The following CADM2 variants were observed in gnomAD, a reference collection of about 807,000 sequenced individuals.
CADM2 encodes the protein immunoglobulin superfamily member 4D.
In CADM2, 12 loss-of-function variants were observed where a neutral mutation model predicts 49.8. The observed-to-expected ratio is 0.24, with a 90% confidence interval of 0.15 to 0.39. The LOEUF is 0.39. CADM2 is among the 10% of genes least tolerant of loss of function. The pLI is 1.00. For synonymous variants in CADM2, 214 were observed against 175.4 expected (o/e 1.22, Z -1.74); for missense variants, 378 against 492.3 (o/e 0.77, Z 2.20).
chr3:85,903,357 C>T (rs1266312564), intron 5 of CADM2, among the ~76,000 whole-genome samples: 1 of 151,582 alleles, frequency 6.6e-6, no homozygotes, highest in Non-Finnish European at 1.5e-5. Context: ...CCCAACTTTC[C>T]TTAACATTTC....
chr3:86,064,233 G>A (rs1739046625), intron 8 of CADM2, among the ~76,000 whole-genome samples: 1 of 151,866 alleles, frequency 6.6e-6, no homozygotes, highest in African/African-American at 2.4e-5. Flanking sequence ...AGGCCCCGGT[G>A]TGTGATGTTC....
At chr3:85,371,621 G>GTGTGTA (rs1553714798) in intron 1 of CADM2, among the ~76,000 whole-genome samples, 6 of 130,486 alleles carry the variant, frequency 4.6e-5, no homozygotes, top group African/African-American at 2.1e-4. Context: ...ACACATCACT[G>GTGTGTA]TGTGTGTGTG....
intron 1 of CADM2, among the ~76,000 whole-genome samples, chr3:84,998,432 T>C (rs2033287283): frequency 6.6e-6 from 1 of 152,162 alleles, no homozygotes; most frequent in African/African-American, 2.4e-5. Context: ...GAAGTACCCC[T>C]TTTAATGCCT....
chr3:85,389,506 A>G (rs1267129045), intron 1 of CADM2, among the ~76,000 whole-genome samples: 1 of 152,094 alleles, frequency 6.6e-6, no homozygotes, highest in East Asian at 1.9e-4. Context: ...TCTACATAAT[A>G]CATTTCTCTC....
At chr3:86,042,852 C>T (rs1399311710) in intron 8 of CADM2, among the ~76,000 whole-genome samples, 1 of 152,200 alleles carries the variant, frequency 6.6e-6, no homozygotes, top group African/African-American at 2.4e-5. Flanking sequence ...CAAACCGAAT[C>T]CAGCAGCACA....
chr3:85,268,084 T>A (rs938573364), intron 1 of CADM2, among the ~76,000 whole-genome samples: 12 of 151,648 alleles, frequency 7.9e-5, no homozygotes, highest in Admixed American at 1.3e-4. Flanking sequence ...TTAAAATGTA[T>A]AATAAGGTGA....
chr3:85,242,475 G>A (rs1187634458), intron 1 of CADM2, among the ~76,000 whole-genome samples: 2 of 151,486 alleles, frequency 1.3e-5, no homozygotes, highest in Non-Finnish European at 3.0e-5. Flanking sequence ...CAAGTCTACT[G>A]ACCATATATT....
chr3:85,041,396 G>T (rs373491658), intron 1 of CADM2, among the ~76,000 whole-genome samples: 11 of 152,234 alleles, frequency 7.2e-5, no homozygotes, highest in African/African-American at 2.6e-4. Flanking sequence ...GCGTGGAGAG[G>T]GGGGCAAAGG....
intron 8 of CADM2, among the ~76,000 whole-genome samples, chr3:86,020,005 G>A (rs1436509033): frequency 2.6e-5 from 4 of 152,014 alleles, no homozygotes; most frequent in Admixed American, 2.6e-4. Flanking sequence ...CAGAACTGAA[G>A]GAAATAGAGA....
chr3:85,738,059 G>T (rs562860671), intron 2 of CADM2, among the ~76,000 whole-genome samples: 1 of 152,162 alleles, frequency 6.6e-6, no homozygotes, highest in Admixed American at 6.5e-5. Context: ...TCACCAAATA[G>T]TTCCTGAAGT....
chr3:85,821,300 C>T (rs1413266886), intron 3 of CADM2, among the ~76,000 whole-genome samples: 1 of 152,084 alleles, frequency 6.6e-6, no homozygotes, highest in Admixed American at 6.6e-5. Context: ...AATAATCTTA[C>T]TAGGGGAATG....
chr3:85,089,414 CA>C (rs1298510419), intron 1 of CADM2, among the ~76,000 whole-genome samples: 1 of 152,106 alleles, frequency 6.6e-6, no homozygotes, highest in Non-Finnish European at 1.5e-5. Flanking sequence ...TACAATGCCT[CA>C]TTCCCCACAT....
intron 1 of CADM2, among the ~76,000 whole-genome samples, chr3:84,988,429 C>T (rs771105245): frequency 2.0e-5 from 3 of 152,176 alleles, no homozygotes; most frequent in Non-Finnish European, 4.4e-5. Flanking sequence ...TCATTGAGTT[C>T]CAGGTTTTTT....
intron 1 of CADM2, among the ~76,000 whole-genome samples, chr3:85,010,755 T>C (rs977674058): frequency 4.0e-5 from 6 of 151,720 alleles, no homozygotes; most frequent in African/African-American, 1.2e-4. Flanking sequence ...CTAGCTAATT[T>C]ATATTGCAAT....
At chr3:85,843,740 G>A (rs1384747940) in intron 3 of CADM2, among the ~76,000 whole-genome samples, 1 of 152,100 alleles carries the variant, frequency 6.6e-6, no homozygotes, top group Non-Finnish European at 1.5e-5. Context: ...CAGTGCATTT[G>A]AAGATCACGT....
intron 1 of CADM2, among the ~76,000 whole-genome samples, chr3:85,493,921 A>C (rs974203912): frequency 6.6e-6 from 1 of 152,222 alleles, no homozygotes; most frequent in Non-Finnish European, 1.5e-5. Context: ...CCATTTAAAT[A>C]CTTATGACAT....
At position 85,308,202 on chromosome 3, in the gene CADM2, G is replaced by A. The variant is rs574402087; in HGVS notation, c.61+348534G>A. On this transcript the variant is annotated intron_variant, in intron 1 of 9. Transcript: ENST00000383699. ...AAATTTTCATTTGTTTGATTTTACTGAGTAGGGTGTGGGTTTTGGAACAAT... is the reference window on the plus strand; with the variant it reads ...AAATTTTCATTTGTTTGATTTTACTAAGTAGGGTGTGGGTTTTGGAACAAT... Among the ~76,000 whole-genome samples, 18 of 151,704 alleles carry A rather than the reference G, an allele frequency of 1.2e-4. 1 individual carries two copies. In the East Asian group the frequency reaches 3.5e-3, roughly 29 times the overall value.
At chr3:85,684,686 G>A (rs1395487358) in intron 1 of CADM2, among the ~76,000 whole-genome samples, 12 of 152,146 alleles carry the variant, frequency 7.9e-5, no homozygotes, top group Admixed American at 5.9e-4. Flanking sequence ...TATGATAATG[G>A]TGGCAGATAA....
intron 1 of CADM2, among the ~76,000 whole-genome samples, chr3:85,347,766 A>G (rs1171176154): frequency 6.7e-6 from 1 of 149,216 alleles, no homozygotes; most frequent in African/African-American, 2.5e-5. Flanking sequence ...CTCAGCCTGC[A>G]TAGTAGCTGA....
Sources: gnomAD v4.1 joint callset for allele counts (sites outside exome capture counted in the v4.1 genomes callset) on GRCh38, gnomAD v4.1.1 for gene constraint, MANE v1.5 for transcripts, NCBI Gene and HGNC (gene_info 2026-07-23, HGNC 2026-07-21) for gene names.